SGIP1: variants seen among roughly 807,000 people sequenced by gnomAD.
SGIP1 encodes the protein SH3GL interacting endocytic adaptor 1.
SGIP1 carries 38 observed loss-of-function variants against 107.5 expected under a neutral mutation model. That is an observed-to-expected ratio of 0.35 (90% CI 0.27 to 0.46). The LOEUF is 0.46. Among genes scored for constraint, SGIP1 ranks in the 20% least tolerant of loss-of-function variants. The probability of loss-of-function intolerance (pLI) is 1.00; values close to 1 mark genes in which losing one functional copy is unlikely to be tolerated. For synonymous variants in SGIP1, 365 were observed against 366.1 expected (o/e 1.00, Z 0.03); for missense variants, 929 against 1,019.5 (o/e 0.91, Z 1.21).
chr1:66,679,333 A>C (rs967489502), intron 13 of SGIP1, among the ~76,000 whole-genome samples: 3 of 152,118 alleles, frequency 2.0e-5, no homozygotes, highest in African/African-American at 7.2e-5. Flanking sequence ...GAGGCCAAAG[A>C]CTATTTTTAT....
chr1:66,701,961 A>T (rs1557682641), intron 18 of SGIP1, among the ~76,000 whole-genome samples: 1 of 152,218 alleles, frequency 6.6e-6, no homozygotes, highest in East Asian at 1.9e-4. Flanking sequence ...CAAGCATGTC[A>T]CCATGCAAGG....
intron 15 of SGIP1, 125 bp from the exon 16 acceptor site, chr1:66,689,023 T>C (rs1180912735): frequency 3.9e-6 from 4 of 1,021,200 alleles, no homozygotes; most frequent in Non-Finnish European, 5.5e-6. Context: ...AGTGCTACAG[T>C]GTTTAGTGTA....
chr1:66,559,716 G>A (rs2058665800), intron 1 of SGIP1, among the ~76,000 whole-genome samples: 1 of 152,018 alleles, frequency 6.6e-6, no homozygotes, highest in African/African-American at 2.4e-5. Flanking sequence ...TGTCTCTGGT[G>A]TCTCTGTTTA....
chr1:66,559,908 G>A (rs1300512696), intron 1 of SGIP1, among the ~76,000 whole-genome samples: 7 of 151,992 alleles, frequency 4.6e-5, no homozygotes, highest in Admixed American at 2.6e-4. Context: ...CTTTAAACAA[G>A]TAAATATGCA....
At chr1:66,534,513 A>G (rs1414893576) in intron 1 of SGIP1, 145 bp downstream of exon 1, 1 of 909,192 alleles carries the variant, frequency 1.1e-6, no homozygotes, top group African/African-American at 1.6e-5. Flanking sequence ...GTTTGCTTGC[A>G]GTGGATCTGG....
At chr1:66,652,162 A>G (rs2078885491) in intron 7 of SGIP1, among the ~76,000 whole-genome samples, 2 of 142,804 alleles carry the variant, frequency 1.4e-5, no homozygotes, top group South Asian at 4.5e-4. Context: ...TTCAGATCTC[A>G]TGGCTGTAAA....
intron 1 of SGIP1, among the ~76,000 whole-genome samples, chr1:66,549,081 A>T (rs949255672): frequency 2.0e-5 from 3 of 152,122 alleles, no homozygotes; most frequent in African/African-American, 7.2e-5. Context: ...TAACTCTGAG[A>T]CTTGCTGGCT....
At chr1:66,695,265 A>C in intron 17 of SGIP1, 169 bp from the exon 18 acceptor site, 1 of 1,318,474 alleles carries the variant, frequency 7.6e-7, no homozygotes. Flanking sequence ...TAAAAAAAAA[A>C]AAAAAAGTGT....
intron 1 of SGIP1, among the ~76,000 whole-genome samples, chr1:66,607,562 T>G (rs1430953613): frequency 6.6e-6 from 1 of 152,172 alleles, no homozygotes. Context: ...AAACTGACAA[T>G]TCAGAGATAG....
At chr1:66,695,951 A>C (rs532127872) in intron 18 of SGIP1, among the ~76,000 whole-genome samples, 9 of 152,346 alleles carry the variant, frequency 5.9e-5, no homozygotes, top group Admixed American at 2.0e-4. Context: ...TAAATATGTA[A>C]ATACATTCTT....
Position 66,625,958 on chromosome 1 carries a change from A to T in SGIP1, c.74+48A>T, listed in dbSNP as rs1022593553. On this transcript the variant is annotated intron_variant, in intron 2 of 24. Coordinates refer to ENST00000371037, the MANE Select transcript of SGIP1 (RefSeq NM_032291.4). ...TCCTCGAAGAAGCTATTTGCATAAGAGATGCTCTTATCACAGTCAATATAA... is the reference window on the plus strand; with the variant it reads ...TCCTCGAAGAAGCTATTTGCATAAGTGATGCTCTTATCACAGTCAATATAA... 1.1e-5 allele frequency: 16 copies of T among 1,482,966 alleles called. No homozygotes were observed. In the African/African-American group the frequency reaches 1.9e-4, roughly 18 times the overall value. The allele number at this position is 1,482,966 out of a possible 1,614,324, so 91.9% of individuals were successfully genotyped here.
chr1:66,579,147 T>A (rs1416381256), intron 1 of SGIP1, among the ~76,000 whole-genome samples: 2 of 152,108 alleles, frequency 1.3e-5, no homozygotes, highest in Non-Finnish European at 1.5e-5. Context: ...AGTAGCCAAG[T>A]CTTGTTATTG....
intron 1 of SGIP1, among the ~76,000 whole-genome samples, chr1:66,539,820 T>C (rs1415974): frequency 0.69 from 104,383 of 152,056 alleles, 36,390 homozygotes; most frequent in East Asian, 1. Context: ...CTCAAACATA[T>C]ATCCTGGGCT....
At chr1:66,648,421 T>C (rs1275505734) in intron 7 of SGIP1, among the ~76,000 whole-genome samples, 1 of 152,246 alleles carries the variant, frequency 6.6e-6, no homozygotes, top group Non-Finnish European at 1.5e-5. Context: ...AATACATGAA[T>C]GGAACCAGGC....
chr1:66,538,785 G>A (rs1404888761), intron 1 of SGIP1, among the ~76,000 whole-genome samples: 1 of 152,108 alleles, frequency 6.6e-6, no homozygotes, highest in Non-Finnish European at 1.5e-5. Context: ...GAACAGTATG[G>A]TTCCCATAGT....
chr1:66,704,251 C>T (rs2092291521), intron 18 of SGIP1: 1 of 152,090 alleles, frequency 6.6e-6, no homozygotes, highest in African/African-American at 2.4e-5. Flanking sequence ...AGAGTTGCTA[C>T]ATGGTCTCCC....
intron 1 of SGIP1, among the ~76,000 whole-genome samples, chr1:66,571,878 T>TCTC (rs1238590427): frequency 2.6e-5 from 4 of 151,996 alleles, no homozygotes; most frequent in Non-Finnish European, 5.9e-5. Flanking sequence ...TTGCCCTTCT[T>TCTC]CTCAGGTGAC....
intron 3 of SGIP1, 132 bp from the exon 4 acceptor site, chr1:66,635,812 G>A (rs765955374): frequency 1.2e-4 from 99 of 850,816 alleles, no homozygotes; most frequent in Admixed American, 4.8e-4. Context: ...AGATTGGTAG[G>A]CCGTATGATT....
At chr1:66,570,980 T>C (rs76185871) in intron 1 of SGIP1, among the ~76,000 whole-genome samples, 60 of 152,078 alleles carry the variant, frequency 3.9e-4, no homozygotes, top group Non-Finnish European at 7.4e-4. Context: ...AATCATCCTC[T>C]TGGAAATAAA....
Sources: allele counts gnomAD v4.1 joint callset (sites outside exome capture counted in the v4.1 genomes callset), GRCh38; gene constraint gnomAD v4.1.1; transcripts MANE v1.5; gene names NCBI Gene and HGNC (gene_info 2026-07-23, HGNC 2026-07-21).